Variants in CDC42SE2 observed in about 807,000 individuals in gnomAD.
The protein encoded by CDC42SE2 is CDC42 small effector 2.
Under a neutral mutation model 11.5 loss-of-function variants are expected in CDC42SE2, and 3 were observed. That is an observed-to-expected ratio of 0.26 (90% CI 0.12 to 0.67). The LOEUF (loss-of-function observed/expected upper bound fraction) is 0.67. CDC42SE2 is among the 30% of genes least tolerant of loss of function. CDC42SE2 has a pLI of 0.80. For synonymous variants in CDC42SE2, 33 were observed against 34.8 expected (o/e 0.95, Z 0.18); for missense variants, 82 against 106.8 (o/e 0.77, Z 1.02).
chr5:131,269,252 G>A (rs1008526680), intron 1 of CDC42SE2, among the ~76,000 whole-genome samples: 1 of 152,118 alleles, frequency 6.6e-6, no homozygotes, highest in African/African-American at 2.4e-5. Context: ...TCCTGACACT[G>A]TAAAATACCT....
intron 1 of CDC42SE2, among the ~76,000 whole-genome samples, chr5:131,292,648 C>G (rs1757483321): frequency 6.6e-6 from 1 of 151,368 alleles, no homozygotes; most frequent in African/African-American, 2.4e-5. Flanking sequence ...CCTGTAATCC[C>G]AGCACTTTGG....
At chr5:131,350,637 GTA>G (rs1554099787) in intron 2 of CDC42SE2, among the ~76,000 whole-genome samples, 32 of 147,706 alleles carry the variant, frequency 2.2e-4, no homozygotes, top group South Asian at 1.3e-3. Context: ...GTGTGTGTGT[GTA>G]TATATATATG....
intron 2 of CDC42SE2, among the ~76,000 whole-genome samples, chr5:131,333,008 A>G (rs1420114224): frequency 6.6e-6 from 1 of 152,110 alleles, no homozygotes; most frequent in Non-Finnish European, 1.5e-5. Flanking sequence ...TTTTGTTGCC[A>G]TTGCTTTTGG....
chr5:131,211,429 A>G, the CDC42SE2 span, among the ~76,000 whole-genome samples: 2 of 152,202 alleles, frequency 1.3e-5, no homozygotes, highest in African/African-American at 4.8e-5. Context: ...CCATTTAAAG[A>G]TTCTAATTTT....
chr5:131,304,085 A>G (rs952706280), intron 1 of CDC42SE2, among the ~76,000 whole-genome samples: 1 of 151,818 alleles, frequency 6.6e-6, no homozygotes, highest in African/African-American at 2.4e-5. Context: ...TCAGCCTTCC[A>G]AGTAGCTGGG....
At chr5:131,336,487 C>T (rs1487953574) in intron 2 of CDC42SE2, among the ~76,000 whole-genome samples, 1 of 152,030 alleles carries the variant, frequency 6.6e-6, no homozygotes, top group Non-Finnish European at 1.5e-5. Context: ...TTGTGGTGTT[C>T]TCTGTATTTC....
At chr5:131,216,501 CAA>C in the CDC42SE2 span, among the ~76,000 whole-genome samples, 15 of 42,160 alleles carry the variant, frequency 3.6e-4, no homozygotes, top group Non-Finnish European at 1.5e-4. Flanking sequence ...GAACCTGTCT[CAA>C]AAAAAAAAAA....
rs530405366 is a variant in CDC42SE2 at position 131,390,164 on chromosome 5, A to G, written c.157-829A>G. Among the ~76,000 whole-genome samples, 4 of 152,352 alleles carry G rather than the reference A, an allele frequency of 2.6e-5. No homozygotes were observed. The East Asian group carries it at 7.7e-4, about 29-fold the overall frequency. On this transcript the variant is annotated intron_variant, in intron 4 of 4. Transcript: ENST00000505065. ...AGGATAAATAGTTTACCCAGTTACA[A>G]TATTAATAAATAAACTGGGACTATA...
the CDC42SE2 span, among the ~76,000 whole-genome samples, chr5:131,222,170 A>G: frequency 2.0e-5 from 3 of 152,236 alleles, no homozygotes; most frequent in African/African-American, 7.2e-5. Context: ...ATCTGTGATG[A>G]CAAGAAATTT....
intron 2 of CDC42SE2, among the ~76,000 whole-genome samples, chr5:131,350,836 A>G (rs1758991276): frequency 1.3e-5 from 2 of 152,148 alleles, no homozygotes; most frequent in Admixed American, 1.3e-4. Flanking sequence ...ACAAATGACT[A>G]CCTTGCTTCT....
At chr5:131,350,984 C>A (rs913168846) in intron 2 of CDC42SE2, among the ~76,000 whole-genome samples, 14 of 152,004 alleles carry the variant, frequency 9.2e-5, no homozygotes, top group Non-Finnish European at 1.8e-4. Flanking sequence ...CTCACTCTGT[C>A]GCTCAGGCTG....
chr5:131,366,285 C>G (rs1749853713), intron 3 of CDC42SE2, among the ~76,000 whole-genome samples: 1 of 152,186 alleles, frequency 6.6e-6, no homozygotes, highest in Non-Finnish European at 1.5e-5. Flanking sequence ...TAGAAAGGCT[C>G]TTTTCAAAAC....
intron 2 of CDC42SE2, among the ~76,000 whole-genome samples, chr5:131,345,606 C>G (rs1051911161): frequency 1.3e-5 from 2 of 152,124 alleles, no homozygotes; most frequent in African/African-American, 4.8e-5. Flanking sequence ...CTTCCCCAAC[C>G]TAGCAAGGCA....
At chr5:131,312,312 C>T (rs1295276952) in intron 1 of CDC42SE2, among the ~76,000 whole-genome samples, 1 of 152,098 alleles carries the variant, frequency 6.6e-6, no homozygotes, top group Non-Finnish European at 1.5e-5. Flanking sequence ...CTCAGGTCTC[C>T]AGCTGCGTGC....
chr5:131,242,755 T>G (rs1312841955), upstream of CDC42SE2, among the ~76,000 whole-genome samples: 1 of 152,190 alleles, frequency 6.6e-6, no homozygotes, highest in Non-Finnish European at 1.5e-5. Context: ...AACCTCTTAC[T>G]GGATGCTGGC....
intron 1 of CDC42SE2, among the ~76,000 whole-genome samples, chr5:131,306,798 TC>T (rs1213146629): frequency 6.6e-6 from 1 of 152,182 alleles, no homozygotes; most frequent in Non-Finnish European, 1.5e-5. Flanking sequence ...AGCCTACAGA[TC>T]TTTCACCTCC....
At chr5:131,380,324 T>G (rs184083809) in intron 3 of CDC42SE2, among the ~76,000 whole-genome samples, 3 of 152,172 alleles carry the variant, frequency 2.0e-5, no homozygotes, top group African/African-American at 7.2e-5. Flanking sequence ...TTTTTGTATT[T>G]TTAGTGGAGA....
the CDC42SE2 span, among the ~76,000 whole-genome samples, chr5:131,222,113 T>A: frequency 6.6e-6 from 1 of 152,228 alleles, no homozygotes; most frequent in African/African-American, 2.4e-5. Context: ...TTTCAGAAAT[T>A]GTTTGAATTC....
At chr5:131,337,845 C>T (rs75664071) in intron 2 of CDC42SE2, among the ~76,000 whole-genome samples, 2 of 152,274 alleles carry the variant, frequency 1.3e-5, no homozygotes, top group Non-Finnish European at 2.9e-5. Flanking sequence ...GGGAGTTACC[C>T]GATTTTCCAG....
Sources: allele counts gnomAD v4.1 joint callset (sites outside exome capture counted in the v4.1 genomes callset), GRCh38; gene constraint gnomAD v4.1.1; transcripts MANE v1.5; gene names NCBI Gene and HGNC (gene_info 2026-07-23, HGNC 2026-07-21).